ATP9B: variants seen among roughly 807,000 people sequenced by gnomAD.
ATP9B encodes the protein ATPase phospholipid transporting 9B, also known as probable phospholipid-transporting ATPase IIB.
A neutral mutation model predicts 146.1 loss-of-function variants in ATP9B; 110 were observed. That is an observed-to-expected ratio of 0.75 (90% CI 0.65 to 0.88). The LOEUF is 0.88. Ranked by LOEUF, ATP9B falls within the 40% of genes least tolerant of loss-of-function variation. The pLI, the probability that ATP9B is intolerant of heterozygous loss-of-function variation, is 0.00. For synonymous variants in ATP9B, 604 were observed against 569.7 expected (o/e 1.06, Z -0.86); for missense variants, 1,499 against 1,496.4 (o/e 1.00, Z -0.03).
chr18:79,102,233 G>A (rs2075333355), intron 2 of ATP9B, among the ~76,000 whole-genome samples: 1 of 152,094 alleles, frequency 6.6e-6, no homozygotes, highest in Non-Finnish European at 1.5e-5. Flanking sequence ...ATTTTGGTGA[G>A]GTCTGAATTA....
In ATP9B at chr18:79,305,022, G is replaced by A. The variant is rs113678419; in HGVS notation, c.1524+1306G>A. The stretch of plus-strand genomic sequence containing the variant: ...CCAGCGCTGCACGGCACTGCTCCCC[G>A]GACTTGCAGAGGCCACCCTTCAAAA... On this transcript the variant is annotated intron_variant, in intron 14 of 29. Coordinates refer to ENST00000426216, the MANE Select transcript of ATP9B (RefSeq NM_198531.5). Among the ~76,000 whole-genome samples the A allele has an allele frequency of 2.4e-3, 370 of 151,762 alleles. 1 individual carries two copies. Among genetic ancestry groups the A allele is most frequent in the South Asian group, 6.7e-3 (32 of 4,782 alleles).
At chr18:79,365,200 A>G (rs1342189406) in intron 26 of ATP9B, among the ~76,000 whole-genome samples, 2 of 152,208 alleles carry the variant, frequency 1.3e-5, no homozygotes, top group Non-Finnish European at 2.9e-5. Context: ...TAGACAGAAG[A>G]TATTAACAGA....
intron 12 of ATP9B, among the ~76,000 whole-genome samples, chr18:79,258,938 G>T (rs568276345): frequency 6.6e-6 from 1 of 152,162 alleles, no homozygotes; most frequent in East Asian, 1.9e-4. Context: ...CAAATTTTCC[G>T]TAAAATATGA....
chr18:79,164,811 G>A (rs1408487587), intron 7 of ATP9B, among the ~76,000 whole-genome samples: 3 of 152,200 alleles, frequency 2.0e-5, no homozygotes, highest in Admixed American at 2.0e-4. Context: ...AGTTGAAAAT[G>A]CATCAGCTAG....
At chr18:79,375,467 A>C (rs763728550) in intron 29 of ATP9B, 41 bp downstream of exon 29, 37 of 1,598,744 alleles carry the variant, frequency 2.3e-5, no homozygotes, top group Non-Finnish European at 3.2e-5. Context: ...GTAGAAATTT[A>C]GCCAAACAAT....
chr18:79,296,423 A>C (rs1401750985), intron 13 of ATP9B, among the ~76,000 whole-genome samples: 1 of 152,246 alleles, frequency 6.6e-6, no homozygotes, highest in Non-Finnish European at 1.5e-5. Flanking sequence ...GTGGCTTTAA[A>C]TTTATCTGCA....
At chr18:79,258,450 TAAGAG>T (rs1189133437) in intron 12 of ATP9B, among the ~76,000 whole-genome samples, 2 of 152,104 alleles carry the variant, frequency 1.3e-5, no homozygotes, top group Admixed American at 6.5e-5. Context: ...ATAATAATAA[TAAGAG>T]AAGAAGATAA....
At chr18:79,099,250 T>A (rs2075070960) in intron 2 of ATP9B, among the ~76,000 whole-genome samples, 1 of 152,074 alleles carries the variant, frequency 6.6e-6, no homozygotes, top group Non-Finnish European at 1.5e-5. Context: ...TGAGACGGAG[T>A]CTTGCTTTGT....
intron 14 of ATP9B, among the ~76,000 whole-genome samples, chr18:79,305,483 A>G (rs1345225743): frequency 6.7e-6 from 1 of 150,244 alleles, no homozygotes; most frequent in Non-Finnish European, 1.5e-5. Flanking sequence ...TAGATACGGA[A>G]TATTTGTAAC....
chr18:79,316,581 C>T (rs1568661686), intron 15 of ATP9B, among the ~76,000 whole-genome samples: 1 of 152,130 alleles, frequency 6.6e-6, no homozygotes, highest in Non-Finnish European at 1.5e-5. Context: ...TGCAGGGATC[C>T]ACCTCCCAAA....
chr18:79,187,846 T>A lies in ATP9B; in HGVS notation c.874-5337T>A, dbSNP rs1188874131. Reference sequence around the variant, plus strand: ...ACATAGATTAAAATAGAAAAATGAATGAAATATCAACAGAAAAATAGTAAA... The same window carrying A: ...ACATAGATTAAAATAGAAAAATGAAAGAAATATCAACAGAAAAATAGTAAA... On this transcript the variant is annotated intron_variant, in intron 8 of 29. Transcript: ENST00000426216. Among the ~76,000 whole-genome samples the A allele has an allele frequency of 3.3e-5, 5 of 152,218 alleles. No individual in the cohort carries two copies. In the East Asian group the frequency reaches 7.7e-4, roughly 23 times the overall value.
chr18:79,281,268 G>A (rs913363221), intron 13 of ATP9B, among the ~76,000 whole-genome samples: 96 of 151,752 alleles, frequency 6.3e-4, no homozygotes, highest in African/African-American at 2.2e-3. Context: ...AGGCTGAGGC[G>A]GGTGGATCAC....
intron 21 of ATP9B, among the ~76,000 whole-genome samples, chr18:79,344,613 G>A (rs781699424): frequency 2.6e-5 from 4 of 152,172 alleles, no homozygotes; most frequent in African/African-American, 7.2e-5. Context: ...TTTCCATTTC[G>A]TAGCAGCGGT....
At position 79,307,004 on chromosome 18, in the gene ATP9B, G is replaced by A; in HGVS notation, c.1543G>A (p.Gly515Arg). 1.9e-6 allele frequency: 3 copies of A among 1,614,176 alleles called. No homozygotes were observed. The highest frequency in any genetic ancestry group is 1.7e-4 in the Middle Eastern group (1 of 6,060). ...SYSQMQSQAG[G>R]NNTGSTPLRK... ...TCTAAAGATGCAGTCTCAAGCTGGT[G>A]GAAACAATACTGGTTCAACTCCACT... The change falls in exon 15 of 30, where the codon GGA (glycine) becomes AGA (arginine). Residue 515 changes from glycine (G) to arginine (R), a missense_variant. Transcript: ENST00000426216.
At chr18:79,208,105 C>T (rs543907558) in intron 10 of ATP9B, among the ~76,000 whole-genome samples, 2 of 152,102 alleles carry the variant, frequency 1.3e-5, no homozygotes, top group South Asian at 4.2e-4. Context: ...ATTAGCCGGG[C>T]GTGGTGGCGG....
At chr18:79,096,324 C>T (rs925293582) in intron 1 of ATP9B, 152 bp from the exon 2 acceptor site, 3 of 698,486 alleles carry the variant, frequency 4.3e-6, no homozygotes, top group African/African-American at 3.6e-5. Context: ...TAACTTATTC[C>T]TTTGCAAAAG....
intron 13 of ATP9B, among the ~76,000 whole-genome samples, chr18:79,300,142 C>T (rs1007887776): frequency 6.6e-6 from 1 of 152,128 alleles, no homozygotes; most frequent in Non-Finnish European, 1.5e-5. Context: ...AGTCAGGACG[C>T]GTGGTAAGAG....
At chr18:79,125,902 A>G (rs1345110099) in intron 4 of ATP9B, among the ~76,000 whole-genome samples, 1 of 152,180 alleles carries the variant, frequency 6.6e-6, no homozygotes, top group Non-Finnish European at 1.5e-5. Flanking sequence ...TAAGTGTAAG[A>G]TTTTTATGTC....
chr18:79,128,885 A>G (rs2094331978), intron 5 of ATP9B, among the ~76,000 whole-genome samples: 1 of 152,174 alleles, frequency 6.6e-6, no homozygotes, highest in Admixed American at 6.5e-5. Context: ...CATCCAGAGA[A>G]AGTCAACCTA....
Sources: allele counts gnomAD v4.1 joint callset (sites outside exome capture counted in the v4.1 genomes callset), GRCh38; gene constraint gnomAD v4.1.1; transcripts MANE v1.5; gene names NCBI Gene and HGNC (gene_info 2026-07-23, HGNC 2026-07-21).